ITGBL1: variants seen among roughly 807,000 people sequenced by gnomAD.
ITGBL1 encodes integrin beta-like protein 1.
In ITGBL1, 51 loss-of-function variants were observed where a neutral mutation model predicts 68.5. The ratio of observed to expected loss-of-function variants is 0.74; its 90% CI spans 0.59 to 0.94. The LOEUF is 0.94. Among genes scored for constraint, ITGBL1 ranks in the 40% least tolerant of loss-of-function variants. The probability of loss-of-function intolerance (pLI) is 0.00; values close to 1 mark genes in which losing one functional copy is unlikely to be tolerated. For missense variants in ITGBL1, 649 were observed against 647.4 expected (o/e 1.00, Z -0.03); for synonymous variants, 209 against 227.3 (o/e 0.92, Z 0.72).
intron 2 of ITGBL1, among the ~76,000 whole-genome samples, chr13:101,518,015 C>T (rs2049223499): frequency 6.6e-6 from 1 of 152,140 alleles, no homozygotes; most frequent in African/African-American, 2.4e-5. Context: ...TGTGTACCTG[C>T]CGTGAAGTGT....
Position 101,512,109 on chromosome 13 carries a change from G to A in ITGBL1, c.317-55590G>A, listed in dbSNP as rs540616037. The stretch of plus-strand genomic sequence containing the variant: ...GTGTTTCTTTGTAATTCGACTACTC[G>A]TCCTATTTTTTCTATCCTCATTTAA... On this transcript the variant is annotated intron_variant, in intron 2 of 10. Transcript: ENST00000376180. 5.3e-5 allele frequency among the ~76,000 whole-genome samples: 8 copies of A among 152,142 alleles called. No homozygotes were observed. The East Asian group carries it at 9.7e-4, about 18-fold the overall frequency.
chr13:101,626,924 A>T (rs1449530562), intron 7 of ITGBL1, among the ~76,000 whole-genome samples: 1 of 152,178 alleles, frequency 6.6e-6, no homozygotes. Context: ...AGACACTGGT[A>T]TATCTTAAAA....
At chr13:101,547,909 GTA>G (rs34555687) in intron 2 of ITGBL1, among the ~76,000 whole-genome samples, 20,729 of 149,494 alleles carry the variant, frequency 0.14, 2,193 homozygotes, top group African/African-American at 0.3. Context: ...CTGTGTGTGT[GTA>G]TATATATATA....
intron 7 of ITGBL1, among the ~76,000 whole-genome samples, chr13:101,688,854 T>C (rs1277730130): frequency 6.6e-6 from 1 of 152,176 alleles, no homozygotes; most frequent in Non-Finnish European, 1.5e-5. Flanking sequence ...ATTTCTATAG[T>C]ATTTATATAT....
At chr13:101,618,155 C>T (rs1389957636) in intron 7 of ITGBL1, among the ~76,000 whole-genome samples, 1 of 152,124 alleles carries the variant, frequency 6.6e-6, no homozygotes, top group African/African-American at 2.4e-5. Context: ...TAACTAGCTA[C>T]ATGGGGGGAA....
At chr13:101,543,067 A>G (rs1379996370) in intron 2 of ITGBL1, among the ~76,000 whole-genome samples, 1 of 152,142 alleles carries the variant, frequency 6.6e-6, no homozygotes, top group African/African-American at 2.4e-5. Context: ...ATTTAAGGTT[A>G]ATATTGTTAT....
intron 2 of ITGBL1, among the ~76,000 whole-genome samples, chr13:101,536,700 C>T (rs1428459882): frequency 1.3e-5 from 2 of 151,904 alleles, no homozygotes; most frequent in African/African-American, 4.8e-5. Flanking sequence ...TTTAATCTGC[C>T]TCATAAAGAC....
Position 101,500,555 on chromosome 13 carries a change from A to G in ITGBL1, c.316+46455A>G, listed in dbSNP as rs550744861. On this transcript the variant is annotated intron_variant, in intron 2 of 10. Transcript: ENST00000376180. ...ACATGAATTTAAAAATCATTTACTA[A>G]TGAATCCTCCTGAATTTCTCAGAAA... Among the ~76,000 whole-genome samples the G allele has an allele frequency of 8.5e-5, 13 of 152,338 alleles. No individual in the cohort carries two copies. In the South Asian group the frequency reaches 1.7e-3, roughly 19 times the overall value.
chr13:101,700,972 G>A (rs894195231), intron 8 of ITGBL1, among the ~76,000 whole-genome samples: 4 of 152,092 alleles, frequency 2.6e-5, no homozygotes, highest in African/African-American at 7.2e-5. Context: ...CTAGAAGACC[G>A]TAATTACCAT....
intron 2 of ITGBL1, among the ~76,000 whole-genome samples, chr13:101,538,909 A>AT (rs2049629737): frequency 6.6e-6 from 1 of 152,078 alleles, no homozygotes; most frequent in Non-Finnish European, 1.5e-5. Context: ...CCATTTTCTC[A>AT]TTTTACAGAT....
intron 2 of ITGBL1, among the ~76,000 whole-genome samples, chr13:101,463,995 A>AC (rs924153682): frequency 2.9e-5 from 4 of 139,654 alleles, no homozygotes; most frequent in Non-Finnish European, 6.1e-5. Flanking sequence ...TGCAACCTCC[A>AC]CCCCCCGGAT....
At chr13:101,696,426 A>G (rs1307148767) in intron 8 of ITGBL1, among the ~76,000 whole-genome samples, 2 of 152,170 alleles carry the variant, frequency 1.3e-5, no homozygotes, top group African/African-American at 2.4e-5. Context: ...AGTTGTCTCC[A>G]TTTCTTGAAA....
chr13:101,464,987 T>G (rs1334152199), intron 2 of ITGBL1, among the ~76,000 whole-genome samples: 2 of 152,212 alleles, frequency 1.3e-5, no homozygotes, highest in East Asian at 3.8e-4. Context: ...AATACTTTTG[T>G]GTCTTTATCT....
At chr13:101,503,736 T>C (rs1572321) in intron 2 of ITGBL1, among the ~76,000 whole-genome samples, 71,265 of 152,024 alleles carry the variant, frequency 0.47, 17,902 homozygotes, top group East Asian at 0.63. Context: ...TCAGTCTCAA[T>C]AGCTAAAACT....
chr13:101,528,798 TC>T (rs1321404138), intron 2 of ITGBL1, among the ~76,000 whole-genome samples: 4 of 151,962 alleles, frequency 2.6e-5, no homozygotes, highest in African/African-American at 9.7e-5. Flanking sequence ...CAAGTAATTT[TC>T]TATAAAAATA....
At chr13:101,472,439 T>C (rs2048475269) in intron 2 of ITGBL1, among the ~76,000 whole-genome samples, 2 of 152,206 alleles carry the variant, frequency 1.3e-5, no homozygotes, top group South Asian at 4.1e-4. Flanking sequence ...TACCTTAAAA[T>C]AATATTTTAT....
chr13:101,706,777 G>A lies in ITGBL1; in HGVS notation c.1154G>A (p.Gly385Asp), dbSNP rs1451056171. 1 of 1,614,128 alleles carries A rather than the reference G, an allele frequency of 6.2e-7. No homozygotes were observed. The highest frequency in any genetic ancestry group is 1.1e-5 in the South Asian group (1 of 91,074). Residue 385 changes from glycine (G) to aspartate (D), a missense_variant, in exon 9 of 11, where the codon GGT becomes GAT. Gly to Asp is a moderately conservative substitution (Grantham distance 94). Transcript: ENST00000376180. ...VCGGHGTCSC[G>D]RCVCERGWFG... Reference sequence around the variant, plus strand: ...ACAGGCCACGGCACATGTTCCTGTGGTCGCTGTGTTTGTGAGAGAGGATGG... The same window carrying A: ...ACAGGCCACGGCACATGTTCCTGTGATCGCTGTGTTTGTGAGAGAGGATGG...
intron 2 of ITGBL1, among the ~76,000 whole-genome samples, chr13:101,462,819 G>T (rs1466057441): frequency 1.3e-5 from 2 of 152,178 alleles, no homozygotes; most frequent in African/African-American, 4.8e-5. Context: ...CTGACCTCAG[G>T]TGATCCACCT....
intron 7 of ITGBL1, among the ~76,000 whole-genome samples, chr13:101,653,694 G>T (rs57576532): frequency 0.012 from 1,801 of 148,290 alleles, 40 homozygotes; most frequent in African/African-American, 0.043. Context: ...GGTAGAGAAG[G>T]CTTCTTTTTT....
Sources: gnomAD v4.1 joint callset for allele counts (sites outside exome capture counted in the v4.1 genomes callset) on GRCh38, gnomAD v4.1.1 for gene constraint, MANE v1.5 for transcripts, NCBI Gene and HGNC (gene_info 2026-07-23, HGNC 2026-07-21) for gene names.